Variants in FAM219A observed in about 807,000 individuals in gnomAD.
FAM219A encodes the protein family with sequence similarity 219 member A, also known as protein FAM219A.
FAM219A carries 7 observed loss-of-function variants against 23.4 expected under a neutral mutation model. The ratio of observed to expected loss-of-function variants is 0.30; its 90% CI spans 0.17 to 0.56. The LOEUF is 0.56. Among genes scored for constraint, FAM219A ranks in the 20% least tolerant of loss-of-function variants. FAM219A has a pLI of 0.92. For synonymous variants in FAM219A, 93 were observed against 99.0 expected, an observed-to-expected ratio of 0.94 and a Z score of 0.36; for missense variants, 166 against 246.9, an observed-to-expected ratio of 0.67 and a Z score of 2.20.
chr9:34,400,005 C>T lies in FAM219A; in HGVS notation c.*959G>A, dbSNP rs897460793. Reference sequence around the variant, plus strand: ...TACACACACATTCTGCTAAGCACTCCCTACCACATCCAAACAACCACATCC... The same window carrying T: ...TACACACACATTCTGCTAAGCACTCTCTACCACATCCAAACAACCACATCC... On this transcript the variant is annotated 3_prime_UTR_variant, in exon 6 of 6. Transcript: ENST00000651358. 6.6e-6 allele frequency: 1 copy of T among 152,436 alleles called. No individual in the cohort carries two copies. The highest frequency in any genetic ancestry group is 1.5e-5 in the Non-Finnish European group (1 of 68,202). The allele number at this position is 152,436 out of a possible 1,614,324, so 9.4% of individuals were successfully genotyped here.
At chr9:34,402,549 C>G in intron 3 of FAM219A, 82 bp from the exon 4 acceptor site, 1 of 1,578,792 alleles carries the variant, frequency 6.3e-7, no homozygotes, top group Non-Finnish European at 8.6e-7. Flanking sequence ...CCCGTCCCAC[C>G]ACTTTCTTCC....
In FAM219A at chr9:34,399,804, C is replaced by T. The variant is rs570810293; in HGVS notation, c.*1160G>A. Reference sequence around the variant, plus strand: ...AGAGCTACAACCAGAACCCAGGCTTCTGACTCCCGGTCCAAGGCTGTCAGC... The same window carrying T: ...AGAGCTACAACCAGAACCCAGGCTTTTGACTCCCGGTCCAAGGCTGTCAGC... On this transcript the variant is annotated 3_prime_UTR_variant, in exon 6 of 6. Coordinates refer to ENST00000651358, the MANE Select transcript of FAM219A (RefSeq NM_001184940.2). The T allele has an allele frequency of 6.6e-6, 1 of 152,394 alleles. No homozygotes were observed. Among genetic ancestry groups the T allele is most frequent in the Admixed American group, 6.5e-5 (1 of 15,304 alleles). 9.4% of individuals were successfully genotyped at this position (152,394 alleles called of 1,614,324 possible).
At chr9:34,438,874 C>T (rs1032073550) in intron 1 of FAM219A, among the ~76,000 whole-genome samples, 1 of 152,240 alleles carries the variant, frequency 6.6e-6, no homozygotes, top group Admixed American at 6.5e-5. Flanking sequence ...CCCATCCACA[C>T]TGTGGAAGCT....
chr9:34,438,861 G>A (rs752651531), intron 1 of FAM219A, among the ~76,000 whole-genome samples: 1 of 152,222 alleles, frequency 6.6e-6, no homozygotes, highest in African/African-American at 2.4e-5. Flanking sequence ...ACCCGCTCAG[G>A]TCCCCATCCA....
chr9:34,446,698 A>G (rs1823388452), intron 1 of FAM219A, among the ~76,000 whole-genome samples: 1 of 152,226 alleles, frequency 6.6e-6, no homozygotes, highest in South Asian at 2.1e-4. Context: ...CCAGTCCTTT[A>G]GGTATTTGAA....
At chr9:34,415,923 C>T (rs928717889) in intron 1 of FAM219A, among the ~76,000 whole-genome samples, 1 of 152,018 alleles carries the variant, frequency 6.6e-6, no homozygotes, top group Non-Finnish European at 1.5e-5. Context: ...GGTTCTAGAG[C>T]CTGCCTTACC....
intron 1 of FAM219A, among the ~76,000 whole-genome samples, chr9:34,419,657 T>C (rs932126796): frequency 2.0e-5 from 3 of 152,298 alleles, no homozygotes; most frequent in East Asian, 1.9e-4. Context: ...CTGGGCCAGA[T>C]TGACGTGTGG....
At chr9:34,451,393 T>C (rs1331362814) in intron 1 of FAM219A, among the ~76,000 whole-genome samples, 1 of 152,172 alleles carries the variant, frequency 6.6e-6, no homozygotes, top group East Asian at 1.9e-4. Context: ...CACCTCTAGC[T>C]TCCTTCAACC....
intron 1 of FAM219A, among the ~76,000 whole-genome samples, chr9:34,416,483 G>C: frequency 6.6e-6 from 1 of 152,060 alleles, no homozygotes; most frequent in East Asian, 1.9e-4. Flanking sequence ...ATATTTTGTG[G>C]CTGGGCCCTG....
chr9:34,403,486 A>C (rs1013644311), intron 2 of FAM219A, among the ~76,000 whole-genome samples: 59 of 152,186 alleles, frequency 3.9e-4, no homozygotes, highest in Non-Finnish European at 4.4e-5. Flanking sequence ...TGGGGCTACA[A>C]AGTAAGGGGC....
At chr9:34,403,692 C>G (rs1255504440) in intron 2 of FAM219A, among the ~76,000 whole-genome samples, 1 of 152,204 alleles carries the variant, frequency 6.6e-6, no homozygotes, top group Non-Finnish European at 1.5e-5. Flanking sequence ...CCCATCTACT[C>G]TTCCCTACTC....
At chr9:34,422,027 C>T (rs549441669) in intron 1 of FAM219A, among the ~76,000 whole-genome samples, 44 of 152,120 alleles carry the variant, frequency 2.9e-4, no homozygotes, top group Non-Finnish European at 5.3e-4. Flanking sequence ...TCCACCCTGA[C>T]CTTAACCTGG....
chr9:34,452,703 C>G (rs754876707), intron 1 of FAM219A, among the ~76,000 whole-genome samples: 2 of 152,194 alleles, frequency 1.3e-5, no homozygotes, highest in African/African-American at 2.4e-5. Flanking sequence ...TCATTCATTC[C>G]AAATGCACTC....
chr9:34,416,273 G>GGGAAGGAAGGAAGGAAGGAAGGAAGGAA (rs74180565), intron 1 of FAM219A, among the ~76,000 whole-genome samples: 8 of 114,086 alleles, frequency 7.0e-5, no homozygotes, highest in African/African-American at 1.1e-4. Context: ...GAGGGAGGGA[G>GGGAAGGAAGGAAGGAAGGAAGGAAGGAA]GGAAGGAAGG....
chr9:34,437,700 T>C (rs370892764), intron 1 of FAM219A, among the ~76,000 whole-genome samples: 1 of 152,238 alleles, frequency 6.6e-6, no homozygotes, highest in South Asian at 2.1e-4. Flanking sequence ...GAAGATTAAA[T>C]GAAACACTGT....
chr9:34,422,780 A>C (rs1332057090), intron 1 of FAM219A, among the ~76,000 whole-genome samples: 1 of 152,228 alleles, frequency 6.6e-6, no homozygotes, highest in Non-Finnish European at 1.5e-5. Flanking sequence ...CAAGAAAAGG[A>C]GATGAAAGGG....
chr9:34,441,641 T>A (rs1055321547), intron 1 of FAM219A, among the ~76,000 whole-genome samples: 9 of 152,060 alleles, frequency 5.9e-5, no homozygotes, highest in Non-Finnish European at 1.3e-4. Flanking sequence ...GCTGTACAAA[T>A]GTGAAGGAAA....
chr9:34,437,159 A>G (rs1426263000), intron 1 of FAM219A, among the ~76,000 whole-genome samples: 1 of 152,208 alleles, frequency 6.6e-6, no homozygotes, highest in African/African-American at 2.4e-5. Flanking sequence ...TCATGAGGAA[A>G]TTGCAAGAAG....
chr9:34,401,629 C>A, intron 5 of FAM219A, 37 bp downstream of exon 5: 1 of 1,595,954 alleles, frequency 6.3e-7, no homozygotes, highest in South Asian at 1.1e-5. Flanking sequence ...GTGATCCTGC[C>A]CGGTGGTGTC....
Sources: gnomAD v4.1 joint callset for allele counts (sites outside exome capture counted in the v4.1 genomes callset) on GRCh38, gnomAD v4.1.1 for gene constraint, MANE v1.5 for transcripts, NCBI Gene and HGNC (gene_info 2026-07-23, HGNC 2026-07-21) for gene names.